Variants in PDHX observed in about 807,000 individuals in gnomAD.
PDHX encodes pyruvate dehydrogenase protein X component, mitochondrial.
Under a neutral mutation model 55.3 loss-of-function variants are expected in PDHX, and 33 were observed. The observed-to-expected ratio is 0.60, with a 90% CI of 0.45 to 0.80. PDHX has a LOEUF of 0.80. Among genes scored for constraint, PDHX ranks in the 30% least tolerant of loss-of-function variants. The pLI, the probability that PDHX is intolerant of heterozygous loss-of-function variation, is 0.00. For missense variants in PDHX, 622 were observed against 619.9 expected, an observed-to-expected ratio of 1.00 and a Z score of -0.04; for synonymous variants, 226 against 219.4, an observed-to-expected ratio of 1.03 and a Z score of -0.27.
In PDHX at chr11:34,966,657, T is replaced by C. The variant is rs1482379674; in HGVS notation, c.659T>C (p.Val220Ala). The C allele has an allele frequency of 6.2e-7, 1 of 1,614,018 alleles. No homozygotes were observed. ...ATTTCCAGGGATGCTCTCAAACTTG[T>C]CCAGTTGAAACAAACGGGCAAGATT... ...IFTKEDALKL[V>A]QLKQTGKITE... Residue 220 changes from valine (V) to alanine (A), a missense_variant, in exon 6 of 11, where the codon GTC becomes GCC. By Grantham distance (64) the Val-to-Ala change is moderately conservative (BLOSUM62 0). Coordinates refer to ENST00000227868, the MANE Select transcript of PDHX (RefSeq NM_003477.3).
intron 1 of PDHX, among the ~76,000 whole-genome samples, chr11:34,919,979 A>G (rs1853833475): frequency 6.6e-6 from 1 of 152,228 alleles, no homozygotes; most frequent in East Asian, 1.9e-4. Context: ...CAATAAAGGT[A>G]TGATTTCAAT....
intron 10 of PDHX, 96 bp from the exon 11 acceptor site, chr11:34,994,818 T>C (rs1446607723): frequency 2.9e-6 from 4 of 1,382,916 alleles, no homozygotes; most frequent in Non-Finnish European, 4.1e-6. Flanking sequence ...CTTGCCTTAC[T>C]ACACTGCCTA....
chr11:34,961,430 G>A (rs1855019562), intron 5 of PDHX, among the ~76,000 whole-genome samples: 1 of 152,118 alleles, frequency 6.6e-6, no homozygotes, highest in Non-Finnish European at 1.5e-5. Context: ...TTTATTGGCA[G>A]TAATAGTAAA....
At chr11:34,966,496 C>T (rs2133980520) in intron 5 of PDHX, 144 bp from the exon 6 acceptor site, 1 of 763,224 alleles carries the variant, frequency 1.3e-6, no homozygotes, top group Non-Finnish European at 2.3e-6. Context: ...ATTTAATTTT[C>T]TAGCTCAAAT....
chr11:34,979,597 T>C (rs182771149), intron 8 of PDHX, among the ~76,000 whole-genome samples: 2 of 152,300 alleles, frequency 1.3e-5, no homozygotes, highest in South Asian at 2.1e-4. Flanking sequence ...TTAAAAAGCA[T>C]GCCCTTTCAG....
intron 2 of PDHX, among the ~76,000 whole-genome samples, chr11:34,942,651 T>G (rs1012036283): frequency 6.6e-6 from 1 of 152,226 alleles, no homozygotes; most frequent in Admixed American, 6.5e-5. Flanking sequence ...CAGAGTTTTC[T>G]TTTGGCATTT....
chr11:34,956,927 A>C (rs758666478), intron 3 of PDHX, among the ~76,000 whole-genome samples: 1 of 152,248 alleles, frequency 6.6e-6, no homozygotes, highest in African/African-American at 2.4e-5. Flanking sequence ...TTCTTGCATT[A>C]GGTAAATTTT....
intron 2 of PDHX, among the ~76,000 whole-genome samples, chr11:34,942,260 G>A (rs971918815): frequency 8.5e-5 from 13 of 152,138 alleles, no homozygotes; most frequent in Non-Finnish European, 1.3e-4. Flanking sequence ...GAAAAAAACC[G>A]TATCTTGATT....
At chr11:34,994,387 G>A (rs1024536687) in intron 10 of PDHX, among the ~76,000 whole-genome samples, 4 of 152,208 alleles carry the variant, frequency 2.6e-5, no homozygotes, top group African/African-American at 9.6e-5. Flanking sequence ...GGCACTTACC[G>A]TGAATGGAGC....
intron 9 of PDHX, chr11:34,984,951 T>C (rs1437199355): frequency 2.1e-6 from 1 of 477,352 alleles, no homozygotes; most frequent in African/African-American, 2.0e-5. Flanking sequence ...TAAGAGATAA[T>C]ATATAAACAA....
chr11:34,971,370 AT>A (rs1357509388), intron 7 of PDHX, among the ~76,000 whole-genome samples: 2 of 152,006 alleles, frequency 1.3e-5, no homozygotes, highest in African/African-American at 4.8e-5. Context: ...AAAAGCAGAT[AT>A]TTTTGCCTTG....
chr11:34,940,662 A>G (rs1222478094), intron 2 of PDHX, among the ~76,000 whole-genome samples: 1 of 152,206 alleles, frequency 6.6e-6, no homozygotes, highest in Non-Finnish European at 1.5e-5. Context: ...CCAGTTTTAG[A>G]ACACATTTCT....
chr11:34,932,117 T>A (rs1304632993), intron 2 of PDHX, among the ~76,000 whole-genome samples: 1 of 152,166 alleles, frequency 6.6e-6, no homozygotes, highest in African/African-American at 2.4e-5. Context: ...ATTTATTCTT[T>A]ATGTTATGTG....
chr11:34,934,868 C>T (rs777611278), intron 2 of PDHX, among the ~76,000 whole-genome samples: 8 of 151,658 alleles, frequency 5.3e-5, no homozygotes, highest in East Asian at 1.9e-4. Flanking sequence ...CATAAGCCAC[C>T]GCACCCAGCA....
At chr11:34,934,915 G>C (rs1434176977) in intron 2 of PDHX, among the ~76,000 whole-genome samples, 1 of 138,240 alleles carries the variant, frequency 7.2e-6, no homozygotes, top group African/African-American at 2.8e-5. Context: ...ATAATATTTT[G>C]GTTATATTTT....
At chr11:34,917,463 A>G (rs922249360) in intron 1 of PDHX, among the ~76,000 whole-genome samples, 2 of 152,206 alleles carry the variant, frequency 1.3e-5, no homozygotes, top group Non-Finnish European at 2.9e-5. Context: ...GATGCAGTTA[A>G]CACAATTCTT....
chr11:34,992,790 G>A (rs536032463), intron 10 of PDHX, among the ~76,000 whole-genome samples: 18 of 151,948 alleles, frequency 1.2e-4, no homozygotes, highest in South Asian at 4.2e-4. Flanking sequence ...CTTCCAGTTC[G>A]GGGCTATTAC....
chr11:34,938,181 G>A (rs988284254), intron 2 of PDHX, among the ~76,000 whole-genome samples: 1 of 152,154 alleles, frequency 6.6e-6, no homozygotes, highest in South Asian at 2.1e-4. Flanking sequence ...GTTGCATGTA[G>A]CACATAGAGA....
At chr11:34,974,803 G>A (rs1319472916) in intron 7 of PDHX, among the ~76,000 whole-genome samples, 1 of 152,168 alleles carries the variant, frequency 6.6e-6, no homozygotes, top group East Asian at 1.9e-4. Context: ...AGCTACTTGG[G>A]AGACTGAGGT....
Sources: allele counts gnomAD v4.1 joint callset (sites outside exome capture counted in the v4.1 genomes callset), GRCh38; gene constraint gnomAD v4.1.1; transcripts MANE v1.5; gene names NCBI Gene and HGNC (gene_info 2026-07-23, HGNC 2026-07-21).